Variants in APP observed in about 807,000 individuals in gnomAD.
APP encodes amyloid beta precursor protein.
A neutral mutation model predicts 101.4 loss-of-function variants in APP; 31 were observed. That is an observed-to-expected ratio of 0.31 (90% CI 0.23 to 0.41). The LOEUF (loss-of-function observed/expected upper bound fraction) is 0.41. APP is among the 10% of genes least tolerant of loss of function. APP has a pLI of 1.00. For missense variants in APP, 839 were observed against 1,003.7 expected (o/e 0.84, Z 2.22); for synonymous variants, 366 against 364.4 (o/e 1.00, Z -0.05).
chr21:26,030,382 A>AT (rs1374350346), intron 5 of APP, among the ~76,000 whole-genome samples: 4 of 152,170 alleles, frequency 2.6e-5, no homozygotes, highest in Non-Finnish European at 4.4e-5. Flanking sequence ...ATTTATGTTA[A>AT]TTTTGTGGGT....
chr21:25,974,993 G>C, intron 11 of APP, 77 bp downstream of exon 11: 1 of 1,586,064 alleles, frequency 6.3e-7, no homozygotes, highest in Non-Finnish European at 8.6e-7. Context: ...TTTTTGTATG[G>C]CTTCCAGTTC....
intron 3 of APP, among the ~76,000 whole-genome samples, chr21:26,053,809 C>CA (rs2045931071): frequency 6.6e-6 from 1 of 151,944 alleles, no homozygotes; most frequent in African/African-American, 2.4e-5. Flanking sequence ...ACTTCCTAAG[C>CA]AAAAAACCCA....
At chr21:26,066,706 C>T (rs1453239568) in intron 3 of APP, among the ~76,000 whole-genome samples, 2 of 151,802 alleles carry the variant, frequency 1.3e-5, no homozygotes, top group African/African-American at 2.4e-5. Context: ...AGATTTGTCA[C>T]TTTTGGCACC....
At chr21:26,126,190 A>G (rs1447811147) in intron 1 of APP, among the ~76,000 whole-genome samples, 3 of 152,240 alleles carry the variant, frequency 2.0e-5, no homozygotes, top group East Asian at 3.8e-4. Context: ...CGCAAAACAG[A>G]TAACATCACA....
chr21:26,156,437 G>A (rs1210424806), intron 1 of APP, among the ~76,000 whole-genome samples: 2 of 152,192 alleles, frequency 1.3e-5, no homozygotes, highest in African/African-American at 4.8e-5. Flanking sequence ...TCGAGAGTGA[G>A]TACTCAAGTT....
intron 4 of APP, among the ~76,000 whole-genome samples, 199 bp from the exon 5 acceptor site, chr21:26,051,392 T>TGA (rs1568912756): frequency 6.6e-6 from 1 of 151,782 alleles, no homozygotes. Flanking sequence ...TTTTTATTCT[T>TGA]GTTTATTATT....
intron 2 of APP, among the ~76,000 whole-genome samples, chr21:26,093,217 C>T (rs922316301): frequency 4.6e-5 from 7 of 151,998 alleles, no homozygotes; most frequent in Non-Finnish European, 8.8e-5. Flanking sequence ...ATTCTCCCAC[C>T]GTCTTTACTT....
intron 11 of APP, among the ~76,000 whole-genome samples, chr21:25,974,718 G>A (rs1367022100): frequency 6.6e-6 from 1 of 151,978 alleles, no homozygotes; most frequent in Non-Finnish European, 1.5e-5. Context: ...CAGCCTGAAG[G>A]GACTGGAAGA....
intron 15 of APP, chr21:25,897,892 G>T: frequency 1.8e-6 from 1 of 568,734 alleles, no homozygotes. Context: ...AAACCTGAAA[G>T]TAAGGCTTCT....
chr21:26,084,754 C>T (rs780050918), intron 3 of APP, among the ~76,000 whole-genome samples: 10 of 152,130 alleles, frequency 6.6e-5, no homozygotes, highest in Non-Finnish European at 1.3e-4. Flanking sequence ...ATGATTAATG[C>T]TGCTTAAATT....
intron 1 of APP, among the ~76,000 whole-genome samples, chr21:26,134,890 C>A (rs2062864126): frequency 6.6e-6 from 1 of 152,156 alleles, no homozygotes; most frequent in African/African-American, 2.4e-5. Flanking sequence ...TATCACATGA[C>A]CATTTTCTTG....
intron 15 of APP, among the ~76,000 whole-genome samples, chr21:25,902,934 T>C (rs1016645172): frequency 1.3e-5 from 2 of 152,240 alleles, no homozygotes; most frequent in East Asian, 1.9e-4. Flanking sequence ...CTTACTGTTA[T>C]GAGAAAGGTT....
intron 13 of APP, among the ~76,000 whole-genome samples, chr21:25,923,585 CT>C (rs2039729825): frequency 1.4e-5 from 2 of 138,798 alleles, no homozygotes; most frequent in African/African-American, 5.6e-5. Context: ...TGAACAGACA[CT>C]TCTCAAAAGA....
intron 3 of APP, among the ~76,000 whole-genome samples, chr21:26,064,228 G>A (rs184510741): frequency 2.6e-5 from 4 of 152,162 alleles, no homozygotes. Context: ...CAAAAACTAA[G>A]GACATCTGAA....
intron 13 of APP, among the ~76,000 whole-genome samples, chr21:25,923,245 A>G (rs1418890997): frequency 7.7e-6 from 1 of 129,268 alleles, no homozygotes; most frequent in African/African-American, 3.3e-5. Context: ...TGGATTAAAG[A>G]TTTAAACGTT....
intron 1 of APP, among the ~76,000 whole-genome samples, chr21:26,148,315 G>C (rs1353616851): frequency 6.6e-6 from 1 of 152,212 alleles, no homozygotes; most frequent in Non-Finnish European, 1.5e-5. Context: ...ACCAGTGCCT[G>C]GTCACCGCTG....
At chr21:25,939,822 A>C (rs1304575623) in intron 13 of APP, among the ~76,000 whole-genome samples, 1 of 142,320 alleles carries the variant, frequency 7.0e-6, no homozygotes, top group African/African-American at 2.6e-5. Flanking sequence ...AGTATATTAC[A>C]AAAAAAAAAA....
chr21:25,896,494 C>T (rs1341462443), intron 16 of APP, among the ~76,000 whole-genome samples: 2 of 151,622 alleles, frequency 1.3e-5, no homozygotes, highest in South Asian at 2.1e-4. Flanking sequence ...TGGAAATTTT[C>T]TTACCATTTT....
chr21:26,142,858 A>G (rs2063078346), intron 1 of APP, among the ~76,000 whole-genome samples: 2 of 152,226 alleles, frequency 1.3e-5, no homozygotes, highest in African/African-American at 4.8e-5. Context: ...TACTACCTGT[A>G]TTTCAGAGAT....
Sources: allele counts gnomAD v4.1 joint callset (sites outside exome capture counted in the v4.1 genomes callset), GRCh38; gene constraint gnomAD v4.1.1; transcripts MANE v1.5; gene names NCBI Gene and HGNC (gene_info 2026-07-23, HGNC 2026-07-21).